Variants in SLAMF6 observed in about 807,000 individuals in gnomAD.
SLAMF6 encodes NK-T-B-antigen.
Under a neutral mutation model 38.3 loss-of-function variants are expected in SLAMF6, and 21 were observed. The ratio of observed to expected loss-of-function variants is 0.55; its 90% CI spans 0.39 to 0.79. The LOEUF is 0.79. Among genes scored for constraint, SLAMF6 ranks in the 30% least tolerant of loss-of-function variants. SLAMF6 has a pLI of 0.00. For synonymous variants in SLAMF6, 152 were observed against 146.3 expected (o/e 1.04, Z -0.28); for missense variants, 341 against 385.3 (o/e 0.89, Z 0.96).
intron 1 of SLAMF6, among the ~76,000 whole-genome samples, chr1:160,507,710 TA>T (rs1654263890): frequency 1.3e-5 from 2 of 151,968 alleles, no homozygotes; most frequent in African/African-American, 4.8e-5. Flanking sequence ...ATAAATGGAA[TA>T]AAACTGGAAA....
intron 1 of SLAMF6, among the ~76,000 whole-genome samples, chr1:160,508,603 C>T (rs556341338): frequency 4.6e-5 from 7 of 152,090 alleles, no homozygotes; most frequent in East Asian, 1.9e-4. Flanking sequence ...GTATGGGCAA[C>T]GACTTCAATA....
chr1:160,494,593 C>A (rs1653473840), intron 2 of SLAMF6, among the ~76,000 whole-genome samples: 1 of 152,116 alleles, frequency 6.6e-6, no homozygotes, highest in South Asian at 2.1e-4. Flanking sequence ...CCAGTATAAC[C>A]TGGATAGTCC....
chr1:160,487,770 A>C (rs1236947416), intron 6 of SLAMF6, among the ~76,000 whole-genome samples: 1 of 152,150 alleles, frequency 6.6e-6, no homozygotes, highest in East Asian at 1.9e-4. Context: ...TGACACTTTA[A>C]ATTAATGAAG....
At chr1:160,522,946 C>A (rs1426884959) in intron 1 of SLAMF6, among the ~76,000 whole-genome samples, 198 bp downstream of exon 1, 2 of 152,186 alleles carry the variant, frequency 1.3e-5, no homozygotes, top group Non-Finnish European at 2.9e-5. Flanking sequence ...AAATTGTTCA[C>A]CGACAACCAT....
chr1:160,494,686 A>G (rs1274885932), intron 2 of SLAMF6, among the ~76,000 whole-genome samples: 1 of 152,304 alleles, frequency 6.6e-6, no homozygotes, highest in Non-Finnish European at 1.5e-5. Context: ...CAACCTGACT[A>G]TGGAGGTAGA....
chr1:160,521,957 A>G (rs977657868), intron 1 of SLAMF6, among the ~76,000 whole-genome samples: 7 of 152,246 alleles, frequency 4.6e-5, no homozygotes, highest in African/African-American at 9.6e-5. Flanking sequence ...TGTTAACTCC[A>G]TGAGGGCAGG....
At chr1:160,521,009 T>A (rs959330357) in intron 1 of SLAMF6, among the ~76,000 whole-genome samples, 1 of 152,200 alleles carries the variant, frequency 6.6e-6, no homozygotes, top group African/African-American at 2.4e-5. Context: ...CCTTTCTTCA[T>A]CACTCCGTCC....
chr1:160,518,312 T>A (rs1243438092), intron 1 of SLAMF6, among the ~76,000 whole-genome samples: 2 of 152,196 alleles, frequency 1.3e-5, no homozygotes, highest in African/African-American at 4.8e-5. Flanking sequence ...TTGGTGGGAA[T>A]GTAAATTAGT....
chr1:160,508,850 T>A (rs1654327145), intron 1 of SLAMF6, among the ~76,000 whole-genome samples: 1 of 152,076 alleles, frequency 6.6e-6, no homozygotes, highest in South Asian at 2.1e-4. Flanking sequence ...GCAAAGGATA[T>A]GAAGACACTT....
chr1:160,491,478 A>G, intron 2 of SLAMF6, 90 bp from the exon 3 acceptor site: 1 of 1,522,794 alleles, frequency 6.6e-7, no homozygotes, highest in South Asian at 1.3e-5. Flanking sequence ...AATGTTTTGT[A>G]TTTCACCTTT....
chr1:160,503,842 G>A (rs1422022792), intron 1 of SLAMF6, among the ~76,000 whole-genome samples: 1 of 151,892 alleles, frequency 6.6e-6, no homozygotes, highest in Non-Finnish European at 1.5e-5. Flanking sequence ...TTCTAGTCTG[G>A]CCAACATGGT....
chr1:160,511,816 C>T (rs553953038), intron 1 of SLAMF6, among the ~76,000 whole-genome samples: 142 of 152,076 alleles, frequency 9.3e-4, no homozygotes, highest in Non-Finnish European at 1.7e-3. Flanking sequence ...TATCCAGGCT[C>T]ACTCATTGGG....
chr1:160,491,129 G>T lies in SLAMF6; in HGVS notation c.642C>A (p.Cys214Ter). 6.2e-7 allele frequency: 1 copy of T among 1,613,460 alleles called. No individual in the cohort carries two copies. The highest frequency in any genetic ancestry group is 8.5e-7 in the Non-Finnish European group (1 of 1,179,880). ...LSFSVSAQKL[C>*]EDVKIQYTDT... ...AGACCTGAGGCAGGCTGTTACCTTC[G>T]CAAAGCTTCTGGGCAGAGACAGAGA... is the stretch of plus-strand genomic sequence containing the variant. The change falls in exon 3 of 8, where the codon TGC becomes TGA. Residue 214 changes from cysteine to a stop codon, truncating the protein, a stop_gained. Coordinates refer to ENST00000368057, the MANE Select transcript of SLAMF6 (RefSeq NM_001184714.2). LOFTEE classifies it high-confidence loss of function.
At chr1:160,490,795 G>T in intron 3 of SLAMF6, 110 bp from the exon 4 acceptor site, 1 of 1,475,256 alleles carries the variant, frequency 6.8e-7, no homozygotes, top group Admixed American at 2.6e-5. Flanking sequence ...AGGTAAGTTT[G>T]TCTATAGCCG....
intron 1 of SLAMF6, among the ~76,000 whole-genome samples, chr1:160,499,095 G>A (rs544438600): frequency 3.3e-5 from 5 of 152,110 alleles, no homozygotes; most frequent in African/African-American, 1.2e-4. Flanking sequence ...TTTCGTTTTT[G>A]TTGCAATTGC....
chr1:160,486,692 A>T lies in SLAMF6; in HGVS notation c.*15T>A. ...GACGTGTCATTCCCGAATTCCTCTG[A>T]GGCCTTTCAGCAACTTACACGACAT... On this transcript the variant is annotated 3_prime_UTR_variant, in exon 8 of 8. Coordinates refer to ENST00000368057, the MANE Select transcript of SLAMF6 (RefSeq NM_001184714.2). The T allele has an allele frequency of 6.2e-7, 1 of 1,613,056 alleles. No individual in the cohort carries two copies. The highest frequency in any genetic ancestry group is 8.5e-7 in the Non-Finnish European group (1 of 1,179,116).
At chr1:160,514,070 G>A (rs554225168) in intron 1 of SLAMF6, among the ~76,000 whole-genome samples, 2 of 152,228 alleles carry the variant, frequency 1.3e-5, no homozygotes, top group South Asian at 4.2e-4. Context: ...GACACAGAAT[G>A]GCAAGCTGGG....
chr1:160,514,075 G>T lies in SLAMF6; in HGVS notation c.49+9069C>A, dbSNP rs367790750. On this transcript the variant is annotated intron_variant, in intron 1 of 7. Coordinates refer to ENST00000368057, the MANE Select transcript of SLAMF6 (RefSeq NM_001184714.2). ...CCATTTAAAAGACACAGAATGGCAA[G>T]CTGGGTAAATTGTGAAGACCCATTG... Among the ~76,000 whole-genome samples the T allele has an allele frequency of 7.9e-5, 12 of 152,226 alleles. No individual in the cohort carries two copies. In the East Asian group the frequency reaches 1.2e-3, roughly 15 times the overall value.
chr1:160,493,085 T>C (rs1035368654), intron 2 of SLAMF6, among the ~76,000 whole-genome samples: 1 of 152,172 alleles, frequency 6.6e-6, no homozygotes, highest in African/African-American at 2.4e-5. Context: ...TGGTTTTCAG[T>C]GTCACTGAGA....
Sources: gnomAD v4.1 joint callset for allele counts (sites outside exome capture counted in the v4.1 genomes callset) on GRCh38, gnomAD v4.1.1 for gene constraint, MANE v1.5 for transcripts, NCBI Gene and HGNC (gene_info 2026-07-23, HGNC 2026-07-21) for gene names.